Variants in UTRN observed in about 807,000 individuals in gnomAD.
The protein encoded by UTRN is dystrophin-related protein 1.
Under a neutral mutation model 463.9 loss-of-function variants are expected in UTRN, and 283 were observed. That is an observed-to-expected ratio of 0.61 (90% CI 0.55 to 0.67). The LOEUF is 0.67. Among genes scored for constraint, UTRN ranks in the 30% least tolerant of loss-of-function variants. The probability of loss-of-function intolerance (pLI) is 0.00; values close to 1 mark genes in which losing one functional copy is unlikely to be tolerated. For synonymous variants in UTRN, 1,442 were observed against 1,431.5 expected (o/e 1.01, Z -0.17); for missense variants, 3,922 against 4,084.3 (o/e 0.96, Z 1.08).
intron 46 of UTRN, among the ~76,000 whole-genome samples, chr6:144,546,863 A>G (rs760852954): frequency 6.6e-6 from 1 of 152,226 alleles, no homozygotes; most frequent in Non-Finnish European, 1.5e-5. Flanking sequence ...TTCTAAAACA[A>G]ACAAAATCCT....
At chr6:144,685,056 T>A (rs1267418521) in intron 52 of UTRN, among the ~76,000 whole-genome samples, 3 of 152,168 alleles carry the variant, frequency 2.0e-5, no homozygotes, top group Non-Finnish European at 4.4e-5. Flanking sequence ...GAGTCTCATA[T>A]GTCCATTATA....
rs1554366750 is a variant in UTRN at position 144,744,352 on chromosome 6, G to GTGTA, written c.7940-3893_7940-3892insGTAT. On this transcript the variant is annotated intron_variant, in intron 54 of 74. Coordinates refer to ENST00000367545, the MANE Select transcript of UTRN (RefSeq NM_007124.3). ...TGTGTGTGTGTGTGTGTGTGTGTGT[G>GTGTA]TATAAAATTTTTAAATATATAGATA... Among the ~76,000 whole-genome samples the GTGTA allele has an allele frequency of 1.8e-3, 238 of 135,722 alleles. 6 individuals carry two copies. The East Asian group carries it at 0.026, about 15-fold the overall frequency. The allele number at this position is 135,722 out of a possible 152,430, so 89.0% of individuals were successfully genotyped here.
chr6:144,451,471 C>A lies in UTRN; in HGVS notation c.2174C>A (p.Ser725Tyr), dbSNP rs1191745346. Reference protein sequence around the residue: ...IKEYMKMQDTSEMKKKLKALE... With the variant: ...IKEYMKMQDTYEMKKKLKALE... ...GAGTATATGAAGATGCAAGACACTT[C>A]CGAAATGAAAAAGAAGTTGAAGGTA... The change falls in exon 18 of 75, where the codon TCC (serine) becomes TAC (tyrosine). Residue 725 changes from serine (S) to tyrosine (Y), a missense_variant. Around this residue, in one of 3 missense-constraint regions of UTRN, gnomAD observed 2,349 missense variants for 2,303.8 expected, o/e 1.02. Transcript: ENST00000367545. 1 of 1,609,604 alleles carries A rather than the reference C, an allele frequency of 6.2e-7. No individual in the cohort carries two copies. Among genetic ancestry groups the A allele is most frequent in the Non-Finnish European group, 8.5e-7 (1 of 1,178,718 alleles).
chr6:144,368,216 A>G (rs767295036), intron 2 of UTRN, among the ~76,000 whole-genome samples: 20 of 152,182 alleles, frequency 1.3e-4, no homozygotes, highest in African/African-American at 4.8e-4. Context: ...GACATTGAAG[A>G]TAACCTAATT....
intron 64 of UTRN, chr6:144,799,501 G>C (rs147936636): frequency 4.2e-6 from 2 of 471,670 alleles, no homozygotes; most frequent in African/African-American, 2.0e-5. Context: ...ATGCAGCAGG[G>C]TTCTTGGAAT....
intron 63 of UTRN, among the ~76,000 whole-genome samples, chr6:144,794,945 A>G (rs537628247): frequency 3.3e-5 from 5 of 152,266 alleles, no homozygotes; most frequent in African/African-American, 9.6e-5. Flanking sequence ...ATAGGTATAC[A>G]TGTGCCATGG....
chr6:144,813,202 T>TA (rs1778782920), intron 65 of UTRN, among the ~76,000 whole-genome samples: 2 of 151,830 alleles, frequency 1.3e-5, no homozygotes, highest in African/African-American at 4.8e-5. Context: ...TTTATTTATT[T>TA]TTTTGAAATG....
intron 14 of UTRN, among the ~76,000 whole-genome samples, chr6:144,444,927 A>C (rs554891056): frequency 3.3e-5 from 5 of 152,218 alleles, no homozygotes; most frequent in Non-Finnish European, 7.3e-5. Flanking sequence ...CAAAGCTGCC[A>C]CCTTAATTTT....
chr6:144,515,016 C>T (rs1795493754), intron 37 of UTRN, among the ~76,000 whole-genome samples, 196 bp downstream of exon 37: 1 of 152,168 alleles, frequency 6.6e-6, no homozygotes, highest in Non-Finnish European at 1.5e-5. Flanking sequence ...ATTCTCCTGC[C>T]TCAGCCACCC....
chr6:144,738,419 C>A (rs1789679983), intron 54 of UTRN, among the ~76,000 whole-genome samples: 1 of 152,188 alleles, frequency 6.6e-6, no homozygotes, highest in Non-Finnish European at 1.5e-5. Flanking sequence ...TGCCTTCTCT[C>A]CTGTTCATTA....
rs1194373807 is a variant in UTRN at position 144,487,627 on chromosome 6, G to A, written c.3902G>A (p.Gly1301Glu). ...RELGQTLIDG[G>E]ILDDIISEKL... is the part of the protein sequence containing the mutation. ...CTTGGCCAGACTCTGATTGATGGGG[G>A]GATCCTGGATGATATAATCAGTGAG... The change falls in exon 29 of 75, where the codon GGG (glycine) becomes GAG (glutamate). Residue 1301 changes from glycine to glutamate, a missense_variant. Gly to Glu is a moderately conservative substitution (Grantham distance 98, BLOSUM62 -2). This residue lies in a region of UTRN where 2,349 missense variants were observed against 2,303.8 expected (regional missense o/e 1.02). Coordinates refer to ENST00000367545, the MANE Select transcript of UTRN (RefSeq NM_007124.3). 6.2e-7 allele frequency: 1 copy of A among 1,613,600 alleles called. No homozygotes were observed. The highest frequency in any genetic ancestry group is 1.7e-5 in the Admixed American group (1 of 59,982).
At chr6:144,402,580 A>T (rs570011987) in intron 2 of UTRN, among the ~76,000 whole-genome samples, 5 of 152,284 alleles carry the variant, frequency 3.3e-5, no homozygotes, top group African/African-American at 9.6e-5. Context: ...ATAGATCAAG[A>T]TCATTAAAAC....
intron 3 of UTRN, among the ~76,000 whole-genome samples, chr6:144,419,271 C>T (rs1446446274): frequency 3.9e-5 from 6 of 152,210 alleles, no homozygotes; most frequent in Admixed American, 2.6e-4. Context: ...TTGCACATCT[C>T]TGTGTTATTT....
chr6:144,615,880 C>T (rs1427621185), intron 51 of UTRN, among the ~76,000 whole-genome samples: 2 of 152,146 alleles, frequency 1.3e-5, no homozygotes, highest in Admixed American at 1.3e-4. Context: ...ATAATAAAAT[C>T]TAAACCCCTT....
chr6:144,315,265 TC>T (rs1398721572), intron 2 of UTRN, among the ~76,000 whole-genome samples: 2 of 152,126 alleles, frequency 1.3e-5, no homozygotes, highest in African/African-American at 2.4e-5. Context: ...ACCAGCGGGG[TC>T]AGGAAGTGGG....
intron 2 of UTRN, among the ~76,000 whole-genome samples, chr6:144,352,436 A>G (rs1189825285): frequency 3.3e-5 from 5 of 152,150 alleles, no homozygotes; most frequent in African/African-American, 9.7e-5. Flanking sequence ...TTTCATAGTG[A>G]TGGTATTTAA....
At chr6:144,299,168 C>T (rs1303462083) in intron 2 of UTRN, among the ~76,000 whole-genome samples, 3 of 152,154 alleles carry the variant, frequency 2.0e-5, no homozygotes, top group Non-Finnish European at 2.9e-5. Flanking sequence ...GTTCCTAATT[C>T]AAGCTTTATG....
chr6:144,714,554 T>G (rs1786169415), intron 53 of UTRN, among the ~76,000 whole-genome samples: 1 of 152,348 alleles, frequency 6.6e-6, no homozygotes, highest in Middle Eastern at 3.4e-3. Flanking sequence ...GTTCTTCTGC[T>G]GCCATCTTGA....
At chr6:144,375,170 A>G (rs904660603) in intron 2 of UTRN, among the ~76,000 whole-genome samples, 1 of 152,210 alleles carries the variant, frequency 6.6e-6, no homozygotes, top group African/African-American at 2.4e-5. Context: ...TACATGTCCC[A>G]GATGGACTCT....
Sources: allele counts gnomAD v4.1 joint callset (sites outside exome capture counted in the v4.1 genomes callset), GRCh38; gene constraint gnomAD v4.1.1; regional missense constraint gnomAD v4.1.1; transcripts MANE v1.5; gene names NCBI Gene and HGNC (gene_info 2026-07-23, HGNC 2026-07-21).